Variants in ELFN1 observed in about 807,000 individuals in gnomAD.
The protein encoded by ELFN1 is extracellular leucine rich repeat and fibronectin type III domain containing 1, also known as protein ELFN1.
Under a neutral mutation model 7.6 loss-of-function variants are expected in ELFN1, and 6 were observed. That is an observed-to-expected ratio of 0.79 (90% CI 0.43 to 1.56). The LOEUF is 1.56. Among genes scored for constraint, ELFN1 ranks in the 40% most tolerant of loss-of-function variants. ELFN1 has a pLI of 0.01. For synonymous variants in ELFN1, 657 were observed against 588.1 expected (o/e 1.12, Z -1.70); for missense variants, 1,169 against 1,232.2 (o/e 0.95, Z 0.77).
At chr7:1,684,206 T>C (rs1402056286) in intron 1 of ELFN1, among the ~76,000 whole-genome samples, 2 of 152,228 alleles carry the variant, frequency 1.3e-5, no homozygotes, top group Non-Finnish European at 2.9e-5. Flanking sequence ...TGCATGTATA[T>C]ATTTTCCTAG....
intron 3 of ELFN1, among the ~76,000 whole-genome samples, chr7:1,730,082 C>A (rs1241840895): frequency 6.6e-6 from 1 of 152,372 alleles, no homozygotes; most frequent in East Asian, 1.9e-4. Context: ...GCCTTCCAGG[C>A]GGTCATGAGC....
At chr7:1,731,830 A>G (rs1780331108) in intron 3 of ELFN1, among the ~76,000 whole-genome samples, 1 of 152,074 alleles carries the variant, frequency 6.6e-6, no homozygotes. Flanking sequence ...TTGTATTTTT[A>G]GTAGAGACGG....
chr7:1,718,479 C>G lies in ELFN1; in HGVS notation c.-294+9227C>G, dbSNP rs953325642. On this transcript the variant is annotated intron_variant, in intron 3 of 3. Coordinates refer to ENST00000424383, the MANE Select transcript of ELFN1 (RefSeq NM_001128636.4). ...CACAGGCCCTCTCCTTGGTCCTGGCCGAAAGCCTTTCTTGCTAAAAGTTGA... is the reference window on the plus strand; with the variant it reads ...CACAGGCCCTCTCCTTGGTCCTGGCGGAAAGCCTTTCTTGCTAAAAGTTGA... Among the ~76,000 whole-genome samples the G allele has an allele frequency of 3.9e-5, 6 of 152,118 alleles. No homozygotes were observed. In the East Asian group the frequency reaches 1.2e-3, roughly 29 times the overall value.
At chr7:1,718,094 G>A (rs1779889368) in intron 3 of ELFN1, among the ~76,000 whole-genome samples, 1 of 152,218 alleles carries the variant, frequency 6.6e-6, no homozygotes, top group African/African-American at 2.4e-5. Flanking sequence ...GAACCAAAGT[G>A]GCTGCTCCCG....
intron 1 of ELFN1, among the ~76,000 whole-genome samples, chr7:1,687,804 C>T (rs1002465887): frequency 6.6e-6 from 1 of 152,006 alleles, no homozygotes; most frequent in Non-Finnish European, 1.5e-5. Flanking sequence ...CTAGTGAACA[C>T]CTTTTCATAA....
chr7:1,721,411 C>T (rs986729401), intron 3 of ELFN1, among the ~76,000 whole-genome samples: 1 of 152,228 alleles, frequency 6.6e-6, no homozygotes, highest in African/African-American at 2.4e-5. Flanking sequence ...TGATGTGACT[C>T]CAGGCACGCT....
rs141480773 is a variant in ELFN1, at chr7:1,745,280, C to G, written c.684C>G (p.Gly228=). 11,979 of 1,538,662 alleles carry G rather than the reference C, an allele frequency of 7.8e-3. 68 individuals are homozygous for G. The highest frequency in any genetic ancestry group is 8.8e-3 in the Non-Finnish European group (10,149 of 1,146,834). ...MQCESPPVYS[G]YYLLGQGRRG... is the part of the protein sequence containing the mutation. ...GCGAGTCGCCGCCCGTCTACTCCGG[C>G]TACTACCTCCTGGGCCAGGGCCGCC... Residue 228 remains glycine, a synonymous_variant, in exon 4 of 4, where the codon GGC becomes GGG. Transcript: ENST00000424383.
intron 3 of ELFN1, among the ~76,000 whole-genome samples, chr7:1,727,291 T>C (rs568312085): frequency 6.6e-6 from 1 of 152,344 alleles, no homozygotes; most frequent in South Asian, 2.1e-4. Context: ...CTGGGGTAGC[T>C]AGAAATGATG....
chr7:1,688,669 G>A (rs1243909174), intron 2 of ELFN1, among the ~76,000 whole-genome samples: 2 of 152,110 alleles, frequency 1.3e-5, no homozygotes, highest in Non-Finnish European at 2.9e-5. Flanking sequence ...TTGCAATTGT[G>A]AGAATAATAC....
intron 3 of ELFN1, among the ~76,000 whole-genome samples, chr7:1,712,174 GTTTCTTTTCTTTTCT>G (rs372598967): frequency 6.6e-6 from 1 of 152,152 alleles, no homozygotes; most frequent in Non-Finnish European, 1.5e-5. Context: ...AAGTTTGTCT[GTTTCTTTTCTTTTCT>G]TTTCTTTTCT....
chr7:1,743,756 C>T (rs931199598), intron 3 of ELFN1, among the ~76,000 whole-genome samples: 2 of 152,190 alleles, frequency 1.3e-5, no homozygotes, highest in African/African-American at 2.4e-5. Flanking sequence ...CTCCTACAGG[C>T]GGCTCCAGGG....
At chr7:1,697,485 C>T (rs1326354799) in intron 2 of ELFN1, among the ~76,000 whole-genome samples, 1 of 152,244 alleles carries the variant, frequency 6.6e-6, no homozygotes. Flanking sequence ...GGTCCCGGCA[C>T]AGCCGAGGCC....
chr7:1,741,129 C>CAA (rs34300810), intron 3 of ELFN1, among the ~76,000 whole-genome samples: 1,194 of 116,442 alleles, frequency 0.01, 18 homozygotes, highest in African/African-American at 0.028. Context: ...GACTCTGTCT[C>CAA]AAAAAAAAAA....
chr7:1,726,813 GCCT>G (rs986370699), intron 3 of ELFN1, among the ~76,000 whole-genome samples: 1 of 152,180 alleles, frequency 6.6e-6, no homozygotes, highest in African/African-American at 2.4e-5. Context: ...GGGCTGGGAT[GCCT>G]CCTCCACCAG....
chr7:1,676,789 C>T (rs1000425961), intron 1 of ELFN1, among the ~76,000 whole-genome samples: 1 of 152,184 alleles, frequency 6.6e-6, no homozygotes, highest in Non-Finnish European at 1.5e-5. Flanking sequence ...GAGAGGTGAG[C>T]GGGAGAGGCC....
chr7:1,715,657 CCTCCTGTAATTTACATCCTGTGA>C (rs1476533211), intron 3 of ELFN1, among the ~76,000 whole-genome samples: 39 of 152,338 alleles, frequency 2.6e-4, no homozygotes, highest in South Asian at 8.3e-4. Context: ...CTTTTAATTT[CCTCCTGTAATTTACATCCTGTGA>C]CTCCTGTAAT....
intron 1 of ELFN1, among the ~76,000 whole-genome samples, chr7:1,679,999 G>A (rs530800046): frequency 6.6e-5 from 10 of 152,260 alleles, no homozygotes; most frequent in Non-Finnish European, 7.3e-5. Flanking sequence ...CTGTGTGCAG[G>A]TGCACAGTTC....
chr7:1,730,080 G>GTCGGAT (rs1780296478), intron 3 of ELFN1, among the ~76,000 whole-genome samples: 1 of 152,272 alleles, frequency 6.6e-6, no homozygotes, highest in Non-Finnish European at 1.5e-5. Flanking sequence ...ATGCCTTCCA[G>GTCGGAT]GCGGTCATGA....
intron 2 of ELFN1, chr7:1,693,463 C>A: frequency 2.1e-6 from 1 of 471,180 alleles, no homozygotes. Flanking sequence ...CCTGGTGCAC[C>A]CAGACAGGTG....
Sources: gnomAD v4.1 joint callset for allele counts (sites outside exome capture counted in the v4.1 genomes callset) on GRCh38, gnomAD v4.1.1 for gene constraint, MANE v1.5 for transcripts, NCBI Gene and HGNC (gene_info 2026-07-23, HGNC 2026-07-21) for gene names.